The following CDC25B variants were observed in gnomAD, a reference collection of about 807,000 sequenced individuals.
CDC25B encodes cell division cycle 25B, also known as M-phase inducer phosphatase 2.
A neutral mutation model predicts 69.8 loss-of-function variants in CDC25B; 33 were observed. The ratio of observed to expected loss-of-function variants is 0.47; its 90% CI spans 0.36 to 0.63. CDC25B has a LOEUF of 0.63. CDC25B is among the 30% of genes least tolerant of loss of function. The pLI is 0.00. For synonymous variants in CDC25B, 341 were observed against 314.6 expected, an observed-to-expected ratio of 1.08 and a Z score of -0.89; for missense variants, 727 against 809.1, an observed-to-expected ratio of 0.90 and a Z score of 1.23.
upstream of CDC25B, among the ~76,000 whole-genome samples, chr20:3,794,819 C>T (rs976431798): frequency 1.3e-5 from 2 of 152,120 alleles, no homozygotes; most frequent in African/African-American, 4.8e-5. Context: ...ATCACCAGGC[C>T]CTCCCTTTTG....
At position 3,805,690 on chromosome 20, in the gene CDC25B, G is replaced by T. The variant is rs1252874430; in HGVS notation, c.*729G>T. 1 of 402,738 alleles carries T rather than the reference G, an allele frequency of 2.5e-6. No individual in the cohort carries two copies. The highest frequency in any genetic ancestry group is 3.5e-5 in the East Asian group (1 of 28,268). The allele number at this position is 402,738 out of a possible 1,614,324, so 24.9% of individuals were successfully genotyped here. A position where few individuals can be genotyped will look rare whatever the true frequency, so the allele number is the denominator to read the frequency against. On this transcript the variant is annotated 3_prime_UTR_variant, in exon 16 of 16. Coordinates refer to ENST00000245960, the MANE Select transcript of CDC25B (RefSeq NM_021873.4). ...TGTTATTATCCTTGGGGGCTCCCAG[G>T]GCAAGGGTTAAGGCCTGAATCATGA...
At chr20:3,787,116 C>A in exon 1 of CDC25B, 2 of 638,158 alleles carry the variant, frequency 3.1e-6, no homozygotes, top group Non-Finnish European at 5.6e-6. Flanking sequence ...AAACGCTTTT[C>A]ACGTCACCTG....
chr20:3,798,535 A>G, intron 3 of CDC25B, 72 bp downstream of exon 3: 1 of 1,265,736 alleles, frequency 7.9e-7, no homozygotes, highest in South Asian at 1.4e-5. Flanking sequence ...TCTACCATAA[A>G]TTCACCCGGG....
At position 3,796,449 on chromosome 20, in the gene CDC25B, C is replaced by T. The variant is rs896882443; in HGVS notation, c.-83C>T. 5.7e-6 allele frequency: 5 copies of T among 871,050 alleles called. No homozygotes were observed. Among genetic ancestry groups the T allele is most frequent in the Non-Finnish European group, 7.3e-6 (5 of 681,826 alleles). The allele number at this position is 871,050 out of a possible 1,614,324, so 54.0% of individuals were successfully genotyped here. A position where few individuals can be genotyped will look rare whatever the true frequency, so the allele number is the denominator to read the frequency against. On this transcript the variant is annotated 5_prime_UTR_variant, in exon 1 of 16. Coordinates refer to ENST00000245960, the MANE Select transcript of CDC25B (RefSeq NM_021873.4). ...CCCCCCCACCCCTCGCCCGCTGCCT[C>T]CCTCGGCCCAGCCAGCTGTGCCGGC...
Position 3,798,402 on chromosome 20 carries a change from G to T in CDC25B, c.329-10G>T. On this transcript the variant is annotated splice_polypyrimidine_tract_variant and intron_variant, in intron 2 of 15. Transcript: ENST00000245960. ...CACTACTTTCAAACCAAGGTGCTCTGTCCCCTCAGGTCTCTGCATGGATTC... is the reference window on the plus strand; with the variant it reads ...CACTACTTTCAAACCAAGGTGCTCTTTCCCCTCAGGTCTCTGCATGGATTC... 1.3e-6 allele frequency: 2 copies of T among 1,484,084 alleles called. No individual in the cohort carries two copies. The highest frequency in any genetic ancestry group is 1.8e-6 in the Non-Finnish European group (2 of 1,113,866). 91.9% of individuals were successfully genotyped at this position (1,484,084 alleles called of 1,614,324 possible).
At position 3,796,436 on chromosome 20, in the gene CDC25B, T is replaced by A; in HGVS notation, c.-96T>A. Reference sequence around the variant, plus strand: ...CCCTCCTTCCCCCCCCCCCCACCCCTCGCCCGCTGCCTCCCTCGGCCCAGC... The same window carrying A: ...CCCTCCTTCCCCCCCCCCCCACCCCACGCCCGCTGCCTCCCTCGGCCCAGC... On this transcript the variant is annotated 5_prime_UTR_variant, in exon 1 of 16. Transcript: ENST00000245960. 1 of 138,550 alleles carries A rather than the reference T, an allele frequency of 7.2e-6. No homozygotes were observed. The highest frequency in any genetic ancestry group is 8.4e-6 in the Non-Finnish European group (1 of 119,018). The allele number at this position is 138,550 out of a possible 1,614,324, so 8.6% of individuals were successfully genotyped here. A position where few individuals can be genotyped will look rare whatever the true frequency, so the allele number is the denominator to read the frequency against.
intron 1 of CDC25B, among the ~76,000 whole-genome samples, chr20:3,788,112 G>A (rs754646805): frequency 2.0e-4 from 29 of 146,930 alleles, no homozygotes; most frequent in Admixed American, 1.9e-3. Context: ...ACTCCAGCCT[G>A]GGCAAAAGAG....
chr20:3,801,816 G>A lies in CDC25B; in HGVS notation c.921+14G>A. ...GAAGAGGAAAAGGTGGGCCTCTGGG[G>A]TGGCCCCCTCCGAATTTGGAGGCAT... On this transcript the variant is annotated intron_variant, in intron 9 of 15. Coordinates refer to ENST00000245960, the MANE Select transcript of CDC25B (RefSeq NM_021873.4). 6.3e-7 allele frequency: 1 copy of A among 1,594,156 alleles called. No individual in the cohort carries two copies. Among genetic ancestry groups the A allele is most frequent in the Non-Finnish European group, 8.5e-7 (1 of 1,170,460 alleles).
Position 3,800,498 on chromosome 20 carries a change from GGTGA to G in CDC25B, c.459+4_459+7del, listed in dbSNP as rs1313113598. ...CCATCAGACGCTTCCAGTCTATGCC[GGTGA>G]GTGTCTTCGAGGCCTGACTGAGGCT... is the stretch of plus-strand genomic sequence containing the variant. On this transcript the variant is annotated splice_donor_variant and splice_donor_region_variant and intron_variant, in intron 5 of 15. Transcript: ENST00000245960. LOFTEE classifies it high-confidence loss of function. 1 of 1,614,008 alleles carries G rather than the reference GGTGA, an allele frequency of 6.2e-7. No individual in the cohort carries two copies. Among genetic ancestry groups the G allele is most frequent in the Non-Finnish European group, 8.5e-7 (1 of 1,179,988 alleles).
At chr20:3,802,471 C>T in intron 11 of CDC25B, 95 bp downstream of exon 11, 1 of 766,154 alleles carries the variant, frequency 1.3e-6, no homozygotes, top group East Asian at 2.5e-5. Context: ...CTCCCTTTCT[C>T]CCCGGAGCCC....
chr20:3,797,270 C>T (rs1006967723), intron 1 of CDC25B, among the ~76,000 whole-genome samples: 1 of 152,194 alleles, frequency 6.6e-6, no homozygotes, highest in African/African-American at 2.4e-5. Context: ...AGGAAGGGTC[C>T]TGGAAAGGTG....
rs370072424 is a variant in CDC25B, at chr20:3,797,682, C to T, written c.261C>T (p.His87=). The T allele has an allele frequency of 4.3e-6, 7 of 1,614,060 alleles. No homozygotes were observed. The highest frequency in any genetic ancestry group is 2.7e-5 in the African/African-American group (2 of 74,944). The part of the protein sequence containing the change: ...LLFRSRSRLT[H]LSLSRRASES... ...TCCGCAGCCGCAGCCGCCTGACGCA[C>T]CTATCCCTGTCTCGACGGGCATCCG... is the stretch of plus-strand genomic sequence containing the variant. The change falls in exon 2 of 16, where the codon CAC becomes CAT. Residue 87 remains histidine (H), a synonymous_variant. Transcript: ENST00000245960.
intron 5 of CDC25B, 38 bp from the exon 6 acceptor site, chr20:3,800,705 C>T (rs1168781921): frequency 1.9e-6 from 3 of 1,603,524 alleles, no homozygotes; most frequent in African/African-American, 2.7e-5. Flanking sequence ...GGAATGCAGC[C>T]TTCATTCCTC....
chr20:3,800,326 G>C lies in CDC25B; in HGVS notation c.419G>C (p.Arg140Pro), dbSNP rs143369164. 1.1e-4 allele frequency: 183 copies of C among 1,614,074 alleles called. No individual in the cohort carries two copies. The highest frequency in any genetic ancestry group is 8.1e-5 in the Non-Finnish European group (95 of 1,180,014). ...QAIQAASRIIRNEQFAIRRFQ... is the reference protein window; with the variant it reads ...QAIQAASRIIPNEQFAIRRFQ... ...ATCCAGGCAGCCAGCCGGATCATTC[G>C]AAAGTAAGTGTTCCTGGGCCTCTTC... The change falls in exon 4 of 16, where the codon CGA becomes CCA. Residue 140 changes from arginine (R) to proline (P), a missense_variant. Transcript: ENST00000245960.
In CDC25B at chr20:3,805,289, A is replaced by G. The variant is rs2089439612; in HGVS notation, c.*328A>G. On this transcript the variant is annotated 3_prime_UTR_variant, in exon 16 of 16. Transcript: ENST00000245960. ...ACCCTTCATCTTCCTGTGTCCTGAAACGCTCCTTTGTGTGTGTGTCAGCTG... is the reference window on the plus strand; with the variant it reads ...ACCCTTCATCTTCCTGTGTCCTGAAGCGCTCCTTTGTGTGTGTGTCAGCTG... 5.6e-6 allele frequency: 2 copies of G among 356,852 alleles called. No homozygotes were observed. The highest frequency in any genetic ancestry group is 1.0e-5 in the Non-Finnish European group (2 of 191,276). 22.1% of individuals were successfully genotyped at this position (356,852 alleles called of 1,614,324 possible).
chr20:3,800,916 A>G (rs1226420654), intron 6 of CDC25B, 51 bp downstream of exon 6: 1 of 1,612,150 alleles, frequency 6.2e-7, no homozygotes, highest in African/African-American at 1.3e-5. Context: ...AGGAGGGGGC[A>G]TGCTGGGGTG....
chr20:3,796,925 C>G (rs553930431), intron 1 of CDC25B, among the ~76,000 whole-genome samples, 194 bp downstream of exon 1: 1 of 152,140 alleles, frequency 6.6e-6, no homozygotes, highest in African/African-American at 2.4e-5. Context: ...CTGTGCCCCC[C>G]ACACCTCCAG....
At position 3,801,301 on chromosome 20, in the gene CDC25B, G is replaced by A. The variant is rs1034893104; in HGVS notation, c.753G>A (p.Leu251=). Residue 251 remains leucine, a synonymous_variant, in exon 8 of 16, where the codon CTG becomes CTA. Coordinates refer to ENST00000245960, the MANE Select transcript of CDC25B (RefSeq NM_021873.4). ...TGGAAGTGGAGGAGCTCAGCCCCCT[G>A]GCCCTAGGTCGCTTCTCTCTGACCC... The part of the protein sequence containing the change: ...RKMEVEELSP[L]ALGRFSLTPA... 3 of 1,614,160 alleles carry A rather than the reference G, an allele frequency of 1.9e-6. No homozygotes were observed. The highest frequency in any genetic ancestry group is 8.5e-7 in the Non-Finnish European group (1 of 1,180,020).
At position 3,802,623 on chromosome 20, in the gene CDC25B, C is replaced by G. The variant is rs572226004; in HGVS notation, c.1194+247C>G. ...GTCTTATTTCCAAGCTCATACCTAG[C>G]TTGGAACCCCCTCATGCCTCACCTT... On this transcript the variant is annotated intron_variant, in intron 11 of 15. Coordinates refer to ENST00000245960, the MANE Select transcript of CDC25B (RefSeq NM_021873.4). 84 of 599,482 alleles carry G rather than the reference C, an allele frequency of 1.4e-4. 1 individual carries two copies. In the East Asian group the frequency reaches 2.2e-3, roughly 16 times the overall value. 37.1% of individuals were successfully genotyped at this position (599,482 alleles called of 1,614,324 possible).
Sources: gnomAD v4.1 joint callset for allele counts (sites outside exome capture counted in the v4.1 genomes callset) on GRCh38, gnomAD v4.1.1 for gene constraint, MANE v1.5 for transcripts, NCBI Gene and HGNC (gene_info 2026-07-23, HGNC 2026-07-21) for gene names.